The following SLC4A4 variants were observed in gnomAD, a reference collection of about 807,000 sequenced individuals.
The protein encoded by SLC4A4 is solute carrier family 4 member 4.
In SLC4A4, 27 loss-of-function variants were observed where a neutral mutation model predicts 111.5. The ratio of observed to expected loss-of-function variants is 0.24; its 90% CI spans 0.18 to 0.33. The LOEUF (loss-of-function observed/expected upper bound fraction) is 0.33. SLC4A4 is among the 10% of genes least tolerant of loss of function. The pLI is 1.00. For synonymous variants in SLC4A4, 443 were observed against 463.4 expected (o/e 0.96, Z 0.57); for missense variants, 909 against 1,315.5 (o/e 0.69, Z 4.78).
chr4:71,561,893 T>A (rs1327905810), intron 23 of SLC4A4, among the ~76,000 whole-genome samples: 1 of 151,792 alleles, frequency 6.6e-6, no homozygotes, highest in Admixed American at 6.6e-5. Context: ...GGACATCAAA[T>A]TTAAAGTTCA....
intron 1 of SLC4A4, among the ~76,000 whole-genome samples, chr4:71,196,873 A>AAAAAAAAC (rs1746031992): frequency 7.0e-6 from 1 of 141,928 alleles, no homozygotes; most frequent in Admixed American, 7.4e-5. Context: ...AAAAAAAAAA[A>AAAAAAAAC]ATGCAGACAG....
intron 1 of SLC4A4, among the ~76,000 whole-genome samples, chr4:71,079,818 T>G (rs1741945145): frequency 6.6e-6 from 1 of 151,588 alleles, no homozygotes; most frequent in Non-Finnish European, 1.5e-5. Flanking sequence ...GATTTGCTGA[T>G]AGAGGCCAGG....
chr4:71,520,616 G>A (rs1160382211), intron 16 of SLC4A4, among the ~76,000 whole-genome samples: 7 of 152,302 alleles, frequency 4.6e-5, no homozygotes, highest in Middle Eastern at 6.8e-3. Flanking sequence ...TTGAGCTCTA[G>A]TACTTTATAA....
chr4:71,372,441 T>C (rs953604782), intron 6 of SLC4A4, among the ~76,000 whole-genome samples: 22 of 152,220 alleles, frequency 1.4e-4, no homozygotes, highest in Non-Finnish European at 4.4e-5. Flanking sequence ...CTAAATGCCT[T>C]GCCATTATTA....
chr4:71,067,980 C>T (rs1012480014), intron 1 of SLC4A4, among the ~76,000 whole-genome samples: 2 of 151,628 alleles, frequency 1.3e-5, no homozygotes, highest in Non-Finnish European at 2.9e-5. Context: ...AACTCCTGGC[C>T]TCAAGCAATC....
intron 2 of SLC4A4, among the ~76,000 whole-genome samples, chr4:71,251,094 A>G (rs1721042987): frequency 6.6e-6 from 1 of 152,222 alleles, no homozygotes; most frequent in Non-Finnish European, 1.5e-5. Flanking sequence ...TATCTTACAT[A>G]TAGAGGCATA....
At chr4:71,259,106 C>T (rs1222384229) in intron 3 of SLC4A4, among the ~76,000 whole-genome samples, 2 of 152,088 alleles carry the variant, frequency 1.3e-5, no homozygotes, top group African/African-American at 2.4e-5. Flanking sequence ...AGCTGCTGTG[C>T]TTCATCCGTG....
intron 1 of SLC4A4, among the ~76,000 whole-genome samples, chr4:71,200,573 C>G (rs549825727): frequency 6.6e-6 from 1 of 152,208 alleles, no homozygotes; most frequent in South Asian, 2.1e-4. Flanking sequence ...GCTATGACAC[C>G]CTCTTTACAA....
At chr4:71,495,874 G>A (rs181191995) in intron 15 of SLC4A4, among the ~76,000 whole-genome samples, 103 of 152,154 alleles carry the variant, frequency 6.8e-4, no homozygotes, top group African/African-American at 2.5e-3. Context: ...GTTCTAAGCT[G>A]AGACACCCAG....
At chr4:71,334,557 G>C (rs1010094352) in intron 3 of SLC4A4, among the ~76,000 whole-genome samples, 11 of 152,132 alleles carry the variant, frequency 7.2e-5, no homozygotes, top group Admixed American at 2.6e-4. Context: ...TCTTGGCTCT[G>C]AGCCCAGTAC....
Position 71,557,956 on chromosome 4 carries a change from A to G in SLC4A4, c.2937+71A>G, listed in dbSNP as rs1332066909. ...TCATGTGGTTATTGTTATATGGAAG[A>G]CACACATGTCTTTTATGTGTTGTTC... On this transcript the variant is annotated intron_variant, in intron 22 of 25. Coordinates refer to ENST00000264485, the MANE Select transcript of SLC4A4 (RefSeq NM_001098484.3). 1.3e-5 allele frequency: 18 copies of G among 1,356,646 alleles called. No individual in the cohort carries two copies. In the East Asian group the frequency reaches 3.0e-4, roughly 23 times the overall value. 84.0% of individuals were successfully genotyped at this position (1,356,646 alleles called of 1,614,324 possible).
chr4:71,285,607 A>G (rs1036342606), intron 3 of SLC4A4, among the ~76,000 whole-genome samples: 5 of 152,186 alleles, frequency 3.3e-5, no homozygotes, highest in Non-Finnish European at 7.3e-5. Context: ...AGTGAAGTCA[A>G]CATCTGGAGC....
chr4:71,245,854 A>T (rs1445562343), intron 2 of SLC4A4, among the ~76,000 whole-genome samples: 1 of 152,140 alleles, frequency 6.6e-6, no homozygotes, highest in East Asian at 1.9e-4. Context: ...AACAAAGTGC[A>T]GTCATAGAAG....
intron 6 of SLC4A4, among the ~76,000 whole-genome samples, chr4:71,368,457 G>T (rs1731542399): frequency 6.8e-6 from 1 of 147,600 alleles, no homozygotes; most frequent in Non-Finnish European, 1.5e-5. Context: ...CTGAAGGGCT[G>T]AAAAACAGAG....
intron 14 of SLC4A4, among the ~76,000 whole-genome samples, chr4:71,483,263 C>A (rs1255773535): frequency 6.6e-6 from 1 of 151,526 alleles, no homozygotes; most frequent in African/African-American, 2.4e-5. Context: ...AAGATTATTT[C>A]ATCACCCAAG....
intron 18 of SLC4A4, among the ~76,000 whole-genome samples, chr4:71,537,304 TG>T (rs1314344533): frequency 6.8e-6 from 1 of 147,406 alleles, no homozygotes; most frequent in Non-Finnish European, 1.5e-5. Flanking sequence ...TATATGTATA[TG>T]TATACACATA....
At chr4:71,344,980 C>G (rs1423502890) in intron 4 of SLC4A4, among the ~76,000 whole-genome samples, 1 of 152,048 alleles carries the variant, frequency 6.6e-6, no homozygotes, top group Non-Finnish European at 1.5e-5. Context: ...ATACTATGAA[C>G]AAGATTAAGT....
chr4:71,366,691 A>G (rs114942173), intron 6 of SLC4A4, among the ~76,000 whole-genome samples: 1,701 of 152,320 alleles, frequency 0.011, 33 homozygotes, highest in African/African-American at 0.038. Context: ...AGCATTGTGT[A>G]GACAAGGCAT....
At chr4:71,232,655 C>A (rs955281164) in intron 1 of SLC4A4, among the ~76,000 whole-genome samples, 1 of 152,176 alleles carries the variant, frequency 6.6e-6, no homozygotes, top group African/African-American at 2.4e-5. Flanking sequence ...TCAAGCAATC[C>A]TCCCACTCGG....
Sources: allele counts gnomAD v4.1 joint callset (sites outside exome capture counted in the v4.1 genomes callset), GRCh38; gene constraint gnomAD v4.1.1; transcripts MANE v1.5; gene names NCBI Gene and HGNC (gene_info 2026-07-23, HGNC 2026-07-21).